AMDHD2: variants seen among roughly 807,000 people sequenced by gnomAD.
AMDHD2 encodes the protein N-acetylglucosamine-6-phosphate deacetylase.
AMDHD2 carries 24 observed loss-of-function variants against 41.8 expected under a neutral mutation model. The ratio of observed to expected loss-of-function variants is 0.57; its 90% CI spans 0.42 to 0.81. The LOEUF (loss-of-function observed/expected upper bound fraction) is 0.81, where lower values mean the gene tolerates loss of function less well. Among genes scored for constraint, AMDHD2 ranks in the 30% least tolerant of loss-of-function variants. AMDHD2 has a pLI of 0.00. For missense variants in AMDHD2, 540 were observed against 588.5 expected, an observed-to-expected ratio of 0.92 and a Z score of 0.85; for synonymous variants, 332 against 255.5, an observed-to-expected ratio of 1.30 and a Z score of -2.85.
intron 3 of AMDHD2, among the ~76,000 whole-genome samples, chr16:2,521,409 C>G (rs1303324983): frequency 6.6e-6 from 1 of 152,200 alleles, no homozygotes; most frequent in East Asian, 1.9e-4. Flanking sequence ...TGCACTCTGG[C>G]TGCCTCCAGG....
chr16:2,527,917 C>T lies in AMDHD2; in HGVS notation c.560C>T (p.Ala187Val), dbSNP rs1359793556. 2 of 1,597,280 alleles carry T rather than the reference C, an allele frequency of 1.3e-6. No homozygotes were observed. The highest frequency in any genetic ancestry group is 2.2e-5 in the East Asian group (1 of 44,766). The part of the protein sequence containing the change: ...PLDNVRIVTL[A>V]PELGRSHEVI... ...GACAATGTCCGCATCGTGACGCTGG[C>T]CCCAGAGTTGGGCCGTAGCCACGAA... Residue 187 changes from alanine to valine, a missense_variant, in exon 5 of 11, where the codon GCC (alanine) becomes GTC (valine). Transcript: ENST00000293971. The surrounding 1 kb of genome is among the most constrained non-coding windows in gnomAD (Gnocchi z 6.1).
rs1156605120 is a variant in AMDHD2 at position 2,527,525 on chromosome 16, G to A, written c.361-36G>A. Reference sequence around the variant, plus strand: ...AGGCTGTGGCCTCTGGGAATGGGCTGTGGGGGACAGGGCTTTAACAGCTGG... The same window carrying A: ...AGGCTGTGGCCTCTGGGAATGGGCTATGGGGGACAGGGCTTTAACAGCTGG... On this transcript the variant is annotated intron_variant, in intron 3 of 10. Coordinates refer to ENST00000293971, the MANE Select transcript of AMDHD2 (RefSeq NM_001330449.2). This position sits in a 1 kb window ranked among gnomAD's most constrained non-coding sequence, Gnocchi z 6.1. 4.4e-6 allele frequency: 7 copies of A among 1,600,386 alleles called. No homozygotes were observed. The highest frequency in any genetic ancestry group is 5.1e-6 in the Non-Finnish European group (6 of 1,173,658).
chr16:2,524,920 G>T (rs763673765), intron 3 of AMDHD2, among the ~76,000 whole-genome samples: 1 of 151,536 alleles, frequency 6.6e-6, no homozygotes, highest in Non-Finnish European at 1.5e-5. Flanking sequence ...CATCGGAGTG[G>T]TGTGAAGGGA....
Position 2,530,642 on chromosome 16 carries a change from C to T in AMDHD2, c.*1079C>T. On this transcript the variant is annotated 3_prime_UTR_variant, in exon 11 of 11. Transcript: ENST00000293971. ...CTCTGCCACTGTTCTCTTCCCTCTG[C>T]TGCAAAGCCCAGTTAAGGAAATGTC... 6.2e-7 allele frequency: 1 copy of T among 1,614,214 alleles called. No homozygotes were observed.
At chr16:2,521,374 C>T (rs901127070) in intron 3 of AMDHD2, among the ~76,000 whole-genome samples, 1 of 152,146 alleles carries the variant, frequency 6.6e-6, no homozygotes, top group Non-Finnish European at 1.5e-5. Context: ...CCGTCTGAGC[C>T]ATAGGCCGTC....
chr16:2,524,139 CCTTTT>C (rs1490671646), intron 3 of AMDHD2, among the ~76,000 whole-genome samples: 1 of 152,224 alleles, frequency 6.6e-6, no homozygotes, highest in African/African-American at 2.4e-5. Context: ...ACTGGAGGCC[CCTTTT>C]CACTCGGGTC....
chr16:2,531,140 C>T lies in AMDHD2; in HGVS notation c.*1577C>T, dbSNP rs376371645. ...CTCAGACGGGACGCCCAGTCCAGAG[C>T]TGGTGAGCCCTGGGCCAGCCTTTGG... On this transcript the variant is annotated 3_prime_UTR_variant, in exon 11 of 11. Transcript: ENST00000293971. 4 of 1,527,306 alleles carry T rather than the reference C, an allele frequency of 2.6e-6. No individual in the cohort carries two copies. In the East Asian group the frequency reaches 9.1e-5, roughly 35 times the overall value. 94.6% of individuals were successfully genotyped at this position (1,527,306 alleles called of 1,614,324 possible). A position where few individuals can be genotyped will look rare whatever the true frequency, so the allele number is the denominator to read the frequency against.
In AMDHD2 at chr16:2,531,239, G is replaced by A; in HGVS notation, c.*1676G>A. On this transcript the variant is annotated 3_prime_UTR_variant, in exon 11 of 11. Transcript: ENST00000293971. Reference sequence around the variant, plus strand: ...GGGTCGGGGAGGGGCTGGCAGAGATGGTTGGTCCACAGGGCTAGCCCTGGG... The same window carrying A: ...GGGTCGGGGAGGGGCTGGCAGAGATAGTTGGTCCACAGGGCTAGCCCTGGG... The A allele has an allele frequency of 2.2e-6, 2 of 890,914 alleles. No homozygotes were observed. Among genetic ancestry groups the A allele is most frequent in the Non-Finnish European group, 3.4e-6 (2 of 589,508 alleles). The allele number at this position is 890,914 out of a possible 1,614,324, so 55.2% of individuals were successfully genotyped here.
rs546651624 is a variant in AMDHD2, at chr16:2,523,187, C to G, written c.360+2064C>G. ...GATAATGAATATTTTCTTATGGAGC[C>G]ACAAGAGTTAGTGAGTTTAGAAAAT... On this transcript the variant is annotated intron_variant, in intron 3 of 10. Coordinates refer to ENST00000293971, the MANE Select transcript of AMDHD2 (RefSeq NM_001330449.2). Among the ~76,000 whole-genome samples, 17 of 152,224 alleles carry G rather than the reference C, an allele frequency of 1.1e-4. No individual in the cohort carries two copies. In the East Asian group the frequency reaches 3.1e-3, roughly 28 times the overall value.
In AMDHD2 at chr16:2,528,086, G is replaced by A. The variant is rs2066029070; in HGVS notation, c.655G>A (p.Ala219Thr). The A allele has an allele frequency of 6.2e-7, 1 of 1,613,064 alleles. No individual in the cohort carries two copies. The highest frequency in any genetic ancestry group is 8.5e-7 in the Non-Finnish European group (1 of 1,179,876). ...LGHSVADLRA[A>T]EDAVWSGATF... is the part of the protein sequence containing the mutation. Reference sequence around the variant, plus strand: ...GCACTCAGTGGCTGACCTGCGGGCGGCAGAGGATGCTGTGTGGAGCGGAGC... The same window carrying A: ...GCACTCAGTGGCTGACCTGCGGGCGACAGAGGATGCTGTGTGGAGCGGAGC... The change falls in exon 6 of 11, where the codon GCA (alanine) becomes ACA (threonine). Residue 219 changes from alanine to threonine, a missense_variant. Transcript: ENST00000293971.
rs970282071 is a variant in AMDHD2, at chr16:2,520,529, G to A, written c.71G>A (p.Gly24Glu). The change falls in exon 1 of 11, where the codon GGG (glycine) becomes GAG (glutamate). Residue 24 changes from glycine (G) to glutamate (E), a missense_variant. Transcript: ENST00000293971. ...ACTAACTGCCGGATCCTGCGCGGAG[G>A]GAAACTGCTCAGGTGGGCGCGGGCC... ...QFTNCRILRG[G>E]KLLREDLWVR... 1.5e-5 allele frequency: 18 copies of A among 1,240,090 alleles called. No homozygotes were observed. Among genetic ancestry groups the A allele is most frequent in the Non-Finnish European group, 1.7e-5 (17 of 985,062 alleles). The allele number at this position is 1,240,090 out of a possible 1,614,324, so 76.8% of individuals were successfully genotyped here.
At chr16:2,522,465 C>T (rs1299538244) in intron 3 of AMDHD2, among the ~76,000 whole-genome samples, 1 of 152,098 alleles carries the variant, frequency 6.6e-6, no homozygotes, top group African/African-American at 2.4e-5. Flanking sequence ...ACCACGAAGT[C>T]AGGAGATCGA....
rs71386675 is a variant in AMDHD2, at chr16:2,531,080, C to T, written c.*1517C>T. On this transcript the variant is annotated 3_prime_UTR_variant, in exon 11 of 11. Coordinates refer to ENST00000293971, the MANE Select transcript of AMDHD2 (RefSeq NM_001330449.2). ...CAGTGCTTGATGTGCCCATCCTCAG[C>T]TAAAACCCAGAGCTGGCATGTTGGT... 263 of 1,579,486 alleles carry T rather than the reference C, an allele frequency of 1.7e-4. No homozygotes were observed. The African/African-American group carries it at 3.2e-3, about 19-fold the overall frequency.
intron 3 of AMDHD2, among the ~76,000 whole-genome samples, chr16:2,521,676 G>A (rs1189512232): frequency 6.7e-6 from 1 of 149,836 alleles, no homozygotes; most frequent in South Asian, 2.1e-4. Context: ...ACTTTTTGCT[G>A]TATGTTACTA....
rs373381890 is a variant in AMDHD2, at chr16:2,520,920, C to A, written c.220+15C>A. The A allele has an allele frequency of 6.3e-7, 1 of 1,597,964 alleles. No individual in the cohort carries two copies. The highest frequency in any genetic ancestry group is 8.6e-7 in the Non-Finnish European group (1 of 1,169,574). ...GCAGATCAACGGTGCGGCCCGGGGC[C>A]GGCAGGGGAACCCAGGGGAGGAGCT... On this transcript the variant is annotated intron_variant, in intron 2 of 10. Transcript: ENST00000293971.
chr16:2,524,400 C>T (rs1396380067), intron 3 of AMDHD2, among the ~76,000 whole-genome samples: 1 of 152,200 alleles, frequency 6.6e-6, no homozygotes, highest in Non-Finnish European at 1.5e-5. Flanking sequence ...CAGGGGGCAG[C>T]CAGGCCCCTG....
chr16:2,523,440 A>G, intron 3 of AMDHD2, among the ~76,000 whole-genome samples: 1 of 152,094 alleles, frequency 6.6e-6, no homozygotes, highest in South Asian at 2.1e-4. Context: ...TCCTGATGTC[A>G]TGTATCGGCT....
In AMDHD2 at chr16:2,528,118, C is replaced by T; in HGVS notation, c.687C>T (p.Phe229=). ...AEDAVWSGAT[F]ITHLFNAMLP... is the part of the protein sequence containing the mutation. The stretch of plus-strand genomic sequence containing the variant: ...ATGCTGTGTGGAGCGGAGCCACCTT[C>T]ATCACCCACCTCTTCAACGCCATGC... Residue 229 remains phenylalanine, a synonymous_variant, in exon 6 of 11, where the codon TTC becomes TTT. Transcript: ENST00000293971. 2.5e-6 allele frequency: 4 copies of T among 1,613,118 alleles called. No homozygotes were observed. The South Asian group carries it at 4.4e-5, about 18-fold the overall frequency.
rs1218676938 is a variant in AMDHD2 at position 2,528,260 on chromosome 16, G to A, written c.742G>A (p.Val248Met). Residue 248 changes from valine (V) to methionine (M), a missense_variant, in exon 7 of 11, where the codon GTG becomes ATG. By Grantham distance (21) the Val-to-Met change is conservative. Coordinates refer to ENST00000293971, the MANE Select transcript of AMDHD2 (RefSeq NM_001330449.2). Reference protein sequence around the residue: ...LPFHHRDPGIVGLLTSDRLPA... With the variant: ...LPFHHRDPGIMGLLTSDRLPA... ...GTTCCACCACCGCGACCCAGGCATC[G>A]TGGGGCTCCTGACCAGCGACCGGCT... The A allele has an allele frequency of 2.5e-6, 4 of 1,612,258 alleles. No individual in the cohort carries two copies. Among genetic ancestry groups the A allele is most frequent in the East Asian group, 2.2e-5 (1 of 44,864 alleles).
Sources: allele counts gnomAD v4.1 joint callset (sites outside exome capture counted in the v4.1 genomes callset), GRCh38; gene constraint gnomAD v4.1.1; non-coding constraint Gnocchi (gnomAD v3.1); transcripts MANE v1.5; gene names NCBI Gene and HGNC (gene_info 2026-07-23, HGNC 2026-07-21).